The following NDOR1 variants were observed in gnomAD, a reference collection of about 807,000 sequenced individuals.
The protein encoded by NDOR1 is NADPH-dependent diflavin oxidoreductase 1.
A neutral mutation model predicts 67.2 loss-of-function variants in NDOR1; 61 were observed. The observed-to-expected ratio is 0.91, with a 90% confidence interval of 0.74 to 1.12. The LOEUF (loss-of-function observed/expected upper bound fraction) is 1.12. Ranked by LOEUF, NDOR1 falls within the 50% of genes most tolerant of loss-of-function variation. NDOR1 has a pLI of 0.00. For synonymous variants in NDOR1, 378 were observed against 343.7 expected (o/e 1.10, Z -1.10); for missense variants, 878 against 802.8 (o/e 1.09, Z -1.13).
intron 2 of NDOR1, among the ~76,000 whole-genome samples, chr9:137,208,999 G>A (rs1420808054): frequency 6.6e-6 from 1 of 152,098 alleles, no homozygotes; most frequent in Non-Finnish European, 1.5e-5. Flanking sequence ...TCCCGCCTCA[G>A]CCTCCCAAGT....
rs956375556 is a variant in NDOR1, at chr9:137,205,702, AGCGGTCCCT to A, written c.-73_-65del. The stretch of plus-strand genomic sequence containing the variant: ...GTCGACGGCGGAAGGCGGAAGGCGG[AGCGGTCCCT>A]GCAACCCGGCCGGCGGGAACTGCCT... On this transcript the variant is annotated 5_prime_UTR_variant, in exon 1 of 14. Coordinates refer to ENST00000684003, the MANE Select transcript of NDOR1 (RefSeq NM_014434.4). 9.4e-6 allele frequency: 15 copies of A among 1,589,754 alleles called. No individual in the cohort carries two copies. Among genetic ancestry groups the A allele is most frequent in the African/African-American group, 1.3e-5 (1 of 74,446 alleles).
At position 137,212,243 on chromosome 9, in the gene NDOR1, C is replaced by T. The variant is rs984839321; in HGVS notation, c.214-259C>T. Among the ~76,000 whole-genome samples, 1 of 152,136 alleles carries T rather than the reference C, an allele frequency of 6.6e-6. No homozygotes were observed. Among genetic ancestry groups the T allele is most frequent in the Non-Finnish European group, 1.5e-5 (1 of 67,996 alleles). On this transcript the variant is annotated intron_variant, in intron 2 of 13. Transcript: ENST00000684003. This position sits in a 1 kb window ranked among gnomAD's most constrained non-coding sequence, Gnocchi z 4.3. ...CCCAGGAAGGAAGCTCCACGCAGGC[C>T]TGTAGAGCACAGCAGGGTCTGGCTC...
chr9:137,209,001 C>T (rs1204512312), intron 2 of NDOR1, among the ~76,000 whole-genome samples: 1 of 152,160 alleles, frequency 6.6e-6, no homozygotes, highest in African/African-American at 2.4e-5. Flanking sequence ...CCGCCTCAGC[C>T]TCCCAAGTAG....
chr9:137,211,418 G>A (rs968210864), intron 2 of NDOR1, among the ~76,000 whole-genome samples: 1 of 152,180 alleles, frequency 6.6e-6, no homozygotes, highest in African/African-American at 2.4e-5. Context: ...CACACCCCAA[G>A]GGCAGCAAGT....
intron 2 of NDOR1, among the ~76,000 whole-genome samples, chr9:137,207,233 G>A (rs7027347): frequency 0.87 from 131,224 of 151,410 alleles, 57,028 homozygotes; most frequent in East Asian, 0.92. Flanking sequence ...GATCTGAGCT[G>A]AAGTGGTGGC....
intron 9 of NDOR1, 90 bp downstream of exon 9, chr9:137,215,292 AC>A (rs1386287715): frequency 7.1e-6 from 11 of 1,540,288 alleles, no homozygotes; most frequent in Non-Finnish European, 7.1e-6. Context: ...CTGCCCTCTG[AC>A]CAGGTGACGT....
rs1835617806 is a variant in NDOR1 at position 137,216,556 on chromosome 9, A to G, written c.*140A>G. 8.9e-7 allele frequency: 1 copy of G among 1,119,882 alleles called. No homozygotes were observed. Among genetic ancestry groups the G allele is most frequent in the Admixed American group, 2.7e-5 (1 of 36,772 alleles). The allele number at this position is 1,119,882 out of a possible 1,614,324, so 69.4% of individuals were successfully genotyped here. A position where few individuals can be genotyped will look rare whatever the true frequency, so the allele number is the denominator to read the frequency against. On this transcript the variant is annotated 3_prime_UTR_variant, in exon 14 of 14. Coordinates refer to ENST00000684003, the MANE Select transcript of NDOR1 (RefSeq NM_014434.4). ...CTCTGGGAACAGCCAGCTCCCGAGCACAGCCGCACTCCTGTTGACCCTGGA... is the reference window on the plus strand; with the variant it reads ...CTCTGGGAACAGCCAGCTCCCGAGCGCAGCCGCACTCCTGTTGACCCTGGA...
At position 137,216,110 on chromosome 9, in the gene NDOR1, T is replaced by G. The variant is rs1835580107; in HGVS notation, c.1571T>G (p.Val524Gly). 6.2e-7 allele frequency: 1 copy of G among 1,613,430 alleles called. No homozygotes were observed. Among genetic ancestry groups the G allele is most frequent in the South Asian group, 1.1e-5 (1 of 91,088 alleles). ...GCCCTACAGGAGCAGAAAGTATATG[T>G]GCAGCACCGGCTCCGGGAGCTGGGG... ...FSREQEQKVY[V>G]QHRLRELGSL... Residue 524 changes from valine to glycine, a missense_variant, in exon 13 of 14, where the codon GTG becomes GGG. Val to Gly is a moderately radical substitution (Grantham distance 109). Coordinates refer to ENST00000684003, the MANE Select transcript of NDOR1 (RefSeq NM_014434.4).
chr9:137,206,760 G>A (rs1237696818), intron 2 of NDOR1, among the ~76,000 whole-genome samples: 1 of 152,174 alleles, frequency 6.6e-6, no homozygotes, highest in African/African-American at 2.4e-5. Context: ...GACAGTGCCA[G>A]CAAACACCTG....
chr9:137,215,526 C>G lies in NDOR1; in HGVS notation c.1288+5C>G, dbSNP rs1325019675. 9 of 1,612,730 alleles carry G rather than the reference C, an allele frequency of 5.6e-6. No individual in the cohort carries two copies. The East Asian group carries it at 1.3e-4, about 24-fold the overall frequency. On this transcript the variant is annotated splice_donor_5th_base_variant and intron_variant, in intron 10 of 13. Coordinates refer to ENST00000684003, the MANE Select transcript of NDOR1 (RefSeq NM_014434.4). Reference sequence around the variant, plus strand: ...CATCCCTGGACCCTGGGCAAGGTGACCCCTGCTCCCAGGGTGGGGGCCGTG... The same window carrying G: ...CATCCCTGGACCCTGGGCAAGGTGAGCCCTGCTCCCAGGGTGGGGGCCGTG...
At position 137,212,434 on chromosome 9, in the gene NDOR1, C is replaced by A. The variant is rs925975967; in HGVS notation, c.214-68C>A. 5.0e-6 allele frequency: 7 copies of A among 1,411,468 alleles called. No individual in the cohort carries two copies. Among genetic ancestry groups the A allele is most frequent in the Non-Finnish European group, 7.0e-6 (7 of 996,886 alleles). 87.4% of individuals were successfully genotyped at this position (1,411,468 alleles called of 1,614,324 possible). On this transcript the variant is annotated intron_variant, in intron 2 of 13. Transcript: ENST00000684003. This position sits in a 1 kb window ranked among gnomAD's most constrained non-coding sequence, Gnocchi z 4.3. ...CCTGCCTGTTCCCCTGAGACCCTCCCCTCACCCCCTGCTGTGGGGCTAGCC... is the reference window on the plus strand; with the variant it reads ...CCTGCCTGTTCCCCTGAGACCCTCCACTCACCCCCTGCTGTGGGGCTAGCC...
rs1835061206 is a variant in NDOR1, at chr9:137,208,131, G to A, written c.213+1822G>A. ...CACTGCACTCCAGACTGGTGACAGAGCTAGACTCTGTCAAAAAAAAAAAAA... is the reference window on the plus strand; with the variant it reads ...CACTGCACTCCAGACTGGTGACAGAACTAGACTCTGTCAAAAAAAAAAAAA... On this transcript the variant is annotated intron_variant, in intron 2 of 13. Transcript: ENST00000684003. 2.3e-5 allele frequency among the ~76,000 whole-genome samples: 3 copies of A among 127,674 alleles called. No individual in the cohort carries two copies. In the Admixed American group the frequency reaches 2.5e-4, roughly 11 times the overall value. The allele number at this position is 127,674 out of a possible 152,430, so 83.8% of individuals were successfully genotyped here. A position where few individuals can be genotyped will look rare whatever the true frequency, so the allele number is the denominator to read the frequency against.
At chr9:137,206,468 T>C (rs1834972301) in intron 2 of NDOR1, among the ~76,000 whole-genome samples, 159 bp downstream of exon 2, 1 of 152,216 alleles carries the variant, frequency 6.6e-6, no homozygotes, top group African/African-American at 2.4e-5. Context: ...GGGGCTCCGG[T>C]TGCCCTCTCT....
In NDOR1 at chr9:137,215,918, C is replaced by T. The variant is rs753238184; in HGVS notation, c.1455C>T (p.Gly485=). 1.2e-6 allele frequency: 2 copies of T among 1,613,618 alleles called. No individual in the cohort carries two copies. Among genetic ancestry groups the T allele is most frequent in the South Asian group, 2.2e-5 (2 of 91,088 alleles). The change falls in exon 12 of 14, where the codon GGC becomes GGT. Residue 485 remains glycine, a synonymous_variant. Coordinates refer to ENST00000684003, the MANE Select transcript of NDOR1 (RefSeq NM_014434.4). ...CCCTAGGAAACTTCTTGTTTTTTGG[C>T]TGCCGCTGGCGGGACCAAGACTTCT... is the stretch of plus-strand genomic sequence containing the variant. The part of the protein sequence containing the change: ...QGQTGNFLFF[G]CRWRDQDFYW...
Position 137,215,137 on chromosome 9 carries a change from G to T in NDOR1, c.1108G>T (p.Asp370Tyr), listed in dbSNP as rs138384572. Residue 370 changes from aspartate (D) to tyrosine (Y), a missense_variant, in exon 9 of 14, where the codon GAC (aspartate) becomes TAC (tyrosine). Physicochemically the swap from Asp to Tyr is radical, Grantham distance 160 (BLOSUM62 -3). Transcript: ENST00000684003. Reference sequence around the variant, plus strand: ...GCACACAGCTGCCGCCATCCCTCCCGACTACCTGTTGGACCTCATCCCCGT... The same window carrying T: ...GCACACAGCTGCCGCCATCCCTCCCTACTACCTGTTGGACCTCATCCCCGT... ...FPHTAAAIPP[D>Y]YLLDLIPVIR... 3 of 1,613,558 alleles carry T rather than the reference G, an allele frequency of 1.9e-6. No individual in the cohort carries two copies. Among genetic ancestry groups the T allele is most frequent in the Non-Finnish European group, 8.5e-7 (1 of 1,179,996 alleles).
rs1169282003 is a variant in NDOR1 at position 137,218,066 on chromosome 9, G to A, written c.*1650G>A. On this transcript the variant is annotated 3_prime_UTR_variant, in exon 14 of 14. Transcript: ENST00000684003. ...AGAGCAGGCAGCAGGGCAGGGGGAA[G>A]AGGAGGAGTGCCCGATCTGCACAGA... 1 of 399,282 alleles carries A rather than the reference G, an allele frequency of 2.5e-6. No individual in the cohort carries two copies. Among genetic ancestry groups the A allele is most frequent in the African/African-American group, 2.1e-5 (1 of 48,644 alleles). The allele number at this position is 399,282 out of a possible 1,614,324, so 24.7% of individuals were successfully genotyped here.
intron 2 of NDOR1, among the ~76,000 whole-genome samples, chr9:137,208,838 G>A (rs573984842): frequency 1.3e-5 from 2 of 151,360 alleles, no homozygotes; most frequent in South Asian, 4.2e-4. Flanking sequence ...AAAAAAAGAC[G>A]GGAGAAACTT....
Position 137,205,911 on chromosome 9 carries a change from T to G in NDOR1, c.134T>G (p.Val45Gly), listed in dbSNP as rs1279741431. 1 of 1,588,172 alleles carries G rather than the reference T, an allele frequency of 6.3e-7. No individual in the cohort carries two copies. The highest frequency in any genetic ancestry group is 8.5e-7 in the Non-Finnish European group (1 of 1,172,910). The change falls in exon 1 of 14, where the codon GTG becomes GGG. Residue 45 changes from valine (V) to glycine (G), a missense_variant and splice_region_variant. Coordinates refer to ENST00000684003, the MANE Select transcript of NDOR1 (RefSeq NM_014434.4). ...GTGCAGGCCCTGGACTCCTACCCGGTGGTGAGGGCTCGCTAGGGCCTCGGC... is the reference window on the plus strand; with the variant it reads ...GTGCAGGCCCTGGACTCCTACCCGGGGGTGAGGGCTCGCTAGGGCCTCGGC... ...CRVQALDSYPVVNLINEPLVI... is the reference protein window; with the variant it reads ...CRVQALDSYPGVNLINEPLVI...
At position 137,212,414 on chromosome 9, in the gene NDOR1, C is replaced by T. The variant is rs1026805485; in HGVS notation, c.214-88C>T. 2 of 1,175,266 alleles carry T rather than the reference C, an allele frequency of 1.7e-6. No individual in the cohort carries two copies. Among genetic ancestry groups the T allele is most frequent in the Admixed American group, 1.7e-5 (1 of 57,614 alleles). 72.8% of individuals were successfully genotyped at this position (1,175,266 alleles called of 1,614,324 possible). On this transcript the variant is annotated intron_variant, in intron 2 of 13. Transcript: ENST00000684003. This position sits in a 1 kb window ranked among gnomAD's most constrained non-coding sequence, Gnocchi z 4.3. The stretch of plus-strand genomic sequence containing the variant: ...TTCTGCCCCCATCCTACCCACCTGC[C>T]TGTTCCCCTGAGACCCTCCCCTCAC...
Sources: allele counts gnomAD v4.1 joint callset (sites outside exome capture counted in the v4.1 genomes callset), GRCh38; gene constraint gnomAD v4.1.1; non-coding constraint Gnocchi (gnomAD v3.1); transcripts MANE v1.5; gene names NCBI Gene and HGNC (gene_info 2026-07-23, HGNC 2026-07-21).